Variants in KCNMA1 observed in about 807,000 individuals in gnomAD.
KCNMA1 encodes Calcium-activated potassium channel subunit alpha-1.
KCNMA1 carries 29 observed loss-of-function variants against 140.0 expected under a neutral mutation model. That is an observed-to-expected ratio of 0.21 (90% CI 0.15 to 0.28). The LOEUF (loss-of-function observed/expected upper bound fraction) is 0.28. Ranked by LOEUF, KCNMA1 falls within the 10% of genes least tolerant of loss-of-function variation. The pLI is 1.00. For missense variants in KCNMA1, 880 were observed against 1,602.2 expected (o/e 0.55, Z 7.70); for synonymous variants, 612 against 611.9 (o/e 1.00, Z 0.00).
intron 1 of KCNMA1, among the ~76,000 whole-genome samples, chr10:77,605,250 G>A (rs1359986301): frequency 6.6e-6 from 1 of 152,194 alleles, no homozygotes; most frequent in East Asian, 1.9e-4. Context: ...TGTCCCGGAT[G>A]CCCTCCTTGA....
intron 19 of KCNMA1, chr10:76,977,838 A>T: frequency 1.8e-6 from 1 of 569,046 alleles, no homozygotes; most frequent in Non-Finnish European, 3.1e-6. Flanking sequence ...AAGCTAAGTT[A>T]GATTCATCCA....
chr10:77,365,880 C>G (rs1371462), intron 2 of KCNMA1, among the ~76,000 whole-genome samples: 1 of 152,192 alleles, frequency 6.6e-6, no homozygotes, highest in Non-Finnish European at 1.5e-5. Flanking sequence ...GTTCTATAAT[C>G]TTAACCTCCC....
chr10:77,125,193 A>T (rs2097706386), intron 5 of KCNMA1, among the ~76,000 whole-genome samples: 1 of 152,166 alleles, frequency 6.6e-6, no homozygotes. Flanking sequence ...TCAGCTTCCT[A>T]ACCGCTTTCT....
intron 3 of KCNMA1, among the ~76,000 whole-genome samples, chr10:77,214,651 A>G (rs1428138832): frequency 1.3e-5 from 2 of 152,116 alleles, no homozygotes; most frequent in East Asian, 1.9e-4. Flanking sequence ...TAGAGCTTCA[A>G]TGTCAAAGAA....
At chr10:77,578,024 T>C (rs2074759173) in intron 1 of KCNMA1, among the ~76,000 whole-genome samples, 1 of 152,218 alleles carries the variant, frequency 6.6e-6, no homozygotes. Flanking sequence ...GGACTGGAGC[T>C]AAATTAAACT....
chr10:77,340,795 G>T (rs1272072871), intron 2 of KCNMA1, among the ~76,000 whole-genome samples: 2 of 151,536 alleles, frequency 1.3e-5, no homozygotes, highest in Non-Finnish European at 2.9e-5. Context: ...ACACCAACAC[G>T]GCACATGTAT....
At chr10:77,185,593 G>C (rs1020718349) in intron 3 of KCNMA1, among the ~76,000 whole-genome samples, 5 of 148,452 alleles carry the variant, frequency 3.4e-5, no homozygotes, top group African/African-American at 1.2e-4. Context: ...GTACTCTAAG[G>C]GTTAATTTTT....
At chr10:77,448,541 A>G (rs1440438157) in intron 1 of KCNMA1, among the ~76,000 whole-genome samples, 1 of 152,210 alleles carries the variant, frequency 6.6e-6, no homozygotes, top group Non-Finnish European at 1.5e-5. Flanking sequence ...GCAACATCAT[A>G]AAACTGATCA....
chr10:77,002,402 G>A (rs988143250), intron 18 of KCNMA1, among the ~76,000 whole-genome samples: 3 of 152,284 alleles, frequency 2.0e-5, no homozygotes, highest in Admixed American at 2.0e-4. Flanking sequence ...TCTGAAAATC[G>A]CATCTGCCTT....
At chr10:77,608,727 T>C (rs762145745) in intron 1 of KCNMA1, among the ~76,000 whole-genome samples, 4 of 152,204 alleles carry the variant, frequency 2.6e-5, no homozygotes, top group African/African-American at 9.6e-5. Flanking sequence ...GACACTTGCA[T>C]TGATCTCCCT....
At chr10:77,081,259 T>C (rs1042295380) in intron 12 of KCNMA1, among the ~76,000 whole-genome samples, 12 of 152,172 alleles carry the variant, frequency 7.9e-5, no homozygotes, top group Non-Finnish European at 1.6e-4. Context: ...GGAGCAACAG[T>C]ACCTGCTTTA....
intron 12 of KCNMA1, among the ~76,000 whole-genome samples, chr10:77,080,771 G>A (rs1409544867): frequency 2.6e-5 from 4 of 152,080 alleles, no homozygotes; most frequent in African/African-American, 9.7e-5. Flanking sequence ...CTAGGGACTA[G>A]CCCAGAAACA....
chr10:77,532,356 C>T (rs1300257408), intron 1 of KCNMA1, among the ~76,000 whole-genome samples: 1 of 152,230 alleles, frequency 6.6e-6, no homozygotes. Flanking sequence ...CCCGCCAGTA[C>T]AGTGGGCTCT....
Position 77,086,551 on chromosome 10 carries a change from A to G in KCNMA1, c.1377T>C (p.His459=). The G allele has an allele frequency of 1.2e-6, 2 of 1,614,006 alleles. No individual in the cohort carries two copies. The highest frequency in any genetic ancestry group is 1.1e-5 in the South Asian group (1 of 91,078). Residue 459 remains histidine (H), a synonymous_variant, in exon 11 of 28, where the codon CAT becomes CAC. Coordinates refer to ENST00000286628, the MANE Select transcript of KCNMA1 (RefSeq NM_001161352.2). ...CCTGATAAAATTCCACCTGAGTAAAATGTCGTTTGAACAGAGCTTCAAGCT... is the reference window on the plus strand; with the variant it reads ...CCTGATAAAATTCCACCTGAGTAAAGTGTCGTTTGAACAGAGCTTCAAGCT... ...NLELEALFKR[H]FTQVEFYQGS... is the part of the protein sequence containing the mutation.
At chr10:77,257,124 G>GA (rs564319685) in intron 2 of KCNMA1, among the ~76,000 whole-genome samples, 259 of 152,024 alleles carry the variant, frequency 1.7e-3, no homozygotes, top group African/African-American at 5.8e-3. Flanking sequence ...ACACAAAAAA[G>GA]AAAAAAATAG....
chr10:76,935,085 T>A (rs2060210476), intron 23 of KCNMA1, among the ~76,000 whole-genome samples: 1 of 152,190 alleles, frequency 6.6e-6, no homozygotes, highest in Non-Finnish European at 1.5e-5. Context: ...TGCTTCACAT[T>A]GCCCCCAGAT....
chr10:77,161,823 T>C (rs1259736727), intron 5 of KCNMA1, among the ~76,000 whole-genome samples: 1 of 152,250 alleles, frequency 6.6e-6, no homozygotes, highest in Non-Finnish European at 1.5e-5. Flanking sequence ...TATTGACTTA[T>C]GAAAGACTTT....
At chr10:77,323,698 G>A (rs372240564) in intron 2 of KCNMA1, among the ~76,000 whole-genome samples, 2 of 152,206 alleles carry the variant, frequency 1.3e-5, no homozygotes, top group Admixed American at 1.3e-4. Context: ...CATTGTATAT[G>A]AGATGTATTT....
chr10:77,630,037 G>A (rs1474344985), intron 1 of KCNMA1, among the ~76,000 whole-genome samples: 2 of 152,220 alleles, frequency 1.3e-5, no homozygotes, highest in Non-Finnish European at 2.9e-5. Context: ...TTCTTAAGAA[G>A]TGCATTGGAG....
Sources: allele counts gnomAD v4.1 joint callset (sites outside exome capture counted in the v4.1 genomes callset), GRCh38; gene constraint gnomAD v4.1.1; transcripts MANE v1.5; gene names NCBI Gene and HGNC (gene_info 2026-07-23, HGNC 2026-07-21).